The following HS3ST4 variants were observed in gnomAD, a reference collection of about 807,000 sequenced individuals.
HS3ST4 encodes the protein heparan sulfate-glucosamine 3-sulfotransferase 4, also known as heparan sulfate glucosamine 3-O-sulfotransferase 4.
In HS3ST4, 17 loss-of-function variants were observed where a neutral mutation model predicts 29.2. The observed-to-expected ratio is 0.58, with a 90% CI of 0.40 to 0.87. The LOEUF (loss-of-function observed/expected upper bound fraction) is 0.87. Ranked by LOEUF, HS3ST4 falls within the 40% of genes least tolerant of loss-of-function variation. The probability of loss-of-function intolerance (pLI) is 0.00; values close to 1 mark genes in which losing one functional copy is unlikely to be tolerated. For synonymous variants in HS3ST4, 314 were observed against 285.7 expected (o/e 1.10, Z -1.00); for missense variants, 627 against 634.5 (o/e 0.99, Z 0.13).
chr16:25,724,653 C>T (rs976310475), intron 1 of HS3ST4, among the ~76,000 whole-genome samples: 1 of 152,124 alleles, frequency 6.6e-6, no homozygotes, highest in African/African-American at 2.4e-5. Context: ...TGAGCCACTG[C>T]GCTCGGCCCC....
At chr16:26,002,034 T>A (rs1476408636) in intron 1 of HS3ST4, among the ~76,000 whole-genome samples, 1 of 152,156 alleles carries the variant, frequency 6.6e-6, no homozygotes, top group Non-Finnish European at 1.5e-5. Flanking sequence ...GAGTGGATGA[T>A]AATGCCTTCT....
intron 1 of HS3ST4, among the ~76,000 whole-genome samples, chr16:25,847,723 A>G (rs1190441953): frequency 6.6e-6 from 1 of 152,186 alleles, no homozygotes; most frequent in African/African-American, 2.4e-5. Flanking sequence ...AAGATTTTAA[A>G]CATTTATTAA....
chr16:26,058,255 T>C (rs1379436492), intron 1 of HS3ST4, among the ~76,000 whole-genome samples: 1 of 152,230 alleles, frequency 6.6e-6, no homozygotes, highest in Non-Finnish European at 1.5e-5. Context: ...CTGCCTGTTA[T>C]TTGTGCAGTA....
At chr16:26,090,966 A>G (rs1898849872) in intron 1 of HS3ST4, among the ~76,000 whole-genome samples, 1 of 152,204 alleles carries the variant, frequency 6.6e-6, no homozygotes, top group African/African-American at 2.4e-5. Flanking sequence ...ACATGAGGCT[A>G]ACCTGGTGTA....
At chr16:25,730,210 T>C (rs149658629) in intron 1 of HS3ST4, among the ~76,000 whole-genome samples, 2 of 152,288 alleles carry the variant, frequency 1.3e-5, no homozygotes, top group African/African-American at 2.4e-5. Context: ...ATTTTTGGTG[T>C]TTTTCAAGGC....
At chr16:25,813,868 G>A (rs1967066549) in intron 1 of HS3ST4, among the ~76,000 whole-genome samples, 1 of 152,154 alleles carries the variant, frequency 6.6e-6, no homozygotes, top group African/African-American at 2.4e-5. Flanking sequence ...AATAAATTGT[G>A]GTGAGATAGG....
rs1038995730 is a variant in HS3ST4, at chr16:25,756,156, A to G, written c.734+63005A>G. ...CACACACACACACACACACACACGC[A>G]CACACACACACACACACACACCCTG... On this transcript the variant is annotated intron_variant, in intron 1 of 1. Coordinates refer to ENST00000331351, the MANE Select transcript of HS3ST4 (RefSeq NM_006040.3). Among the ~76,000 whole-genome samples, 161 of 75,588 alleles carry G rather than the reference A, an allele frequency of 2.1e-3. No homozygotes were observed. In the East Asian group the frequency reaches 0.024, roughly 11 times the overall value. The allele number at this position is 75,588 out of a possible 152,430, so 49.6% of individuals were successfully genotyped here.
intron 1 of HS3ST4, among the ~76,000 whole-genome samples, chr16:25,962,901 G>A (rs1483084798): frequency 5.3e-5 from 8 of 152,074 alleles, no homozygotes; most frequent in African/African-American, 1.9e-4. Context: ...TTAGAACAGT[G>A]TCCAGCACCT....
Position 25,781,823 on chromosome 16 carries a change from T to G in HS3ST4, c.734+88672T>G, listed in dbSNP as rs568743379. ...ATGATGCACAGTTATCCTTCTTCTC[T>G]TTCGGGTGGTTGTGTGGGGCTGAAA... On this transcript the variant is annotated intron_variant, in intron 1 of 1. Transcript: ENST00000331351. 2.0e-5 allele frequency among the ~76,000 whole-genome samples: 3 copies of G among 152,296 alleles called. No homozygotes were observed. In the South Asian group the frequency reaches 6.2e-4, roughly 32 times the overall value.
At chr16:25,828,427 G>A (rs1358200322) in intron 1 of HS3ST4, among the ~76,000 whole-genome samples, 6 of 148,038 alleles carry the variant, frequency 4.1e-5, no homozygotes, top group South Asian at 4.4e-4. Context: ...TGCAACCTCC[G>A]CCTCCTGGGT....
rs1463324472 is a variant in HS3ST4 at position 25,760,941 on chromosome 16, A to G, written c.734+67790A>G. Among the ~76,000 whole-genome samples the G allele has an allele frequency of 2.6e-5, 4 of 152,208 alleles. No homozygotes were observed. In the East Asian group the frequency reaches 7.7e-4, roughly 29 times the overall value. On this transcript the variant is annotated intron_variant, in intron 1 of 1. Transcript: ENST00000331351. ...TGCTGAGGCAGAACCCAGGTAGAAC[A>G]ACTGCATAAGCCCCTGATAAAGGAC...
intron 1 of HS3ST4, among the ~76,000 whole-genome samples, chr16:25,910,446 A>T (rs1596611176): frequency 6.6e-6 from 1 of 152,106 alleles, no homozygotes; most frequent in Non-Finnish European, 1.5e-5. Context: ...TTTGAGACCA[A>T]CCTGGCCAAT....
At chr16:26,022,680 CT>C (rs34741128) in intron 1 of HS3ST4, among the ~76,000 whole-genome samples, 237 of 142,620 alleles carry the variant, frequency 1.7e-3, no homozygotes, top group Middle Eastern at 7.2e-3. Context: ...AATTTTCTTC[CT>C]TTTTTTTTTT....
chr16:25,751,000 G>GA (rs1353635499), intron 1 of HS3ST4, among the ~76,000 whole-genome samples: 2 of 152,292 alleles, frequency 1.3e-5, no homozygotes, highest in East Asian at 3.9e-4. Flanking sequence ...AATTTGCAGG[G>GA]AGTCCCCATT....
At chr16:25,834,051 G>C (rs115748334) in intron 1 of HS3ST4, among the ~76,000 whole-genome samples, 1 of 152,082 alleles carries the variant, frequency 6.6e-6, no homozygotes, top group Non-Finnish European at 1.5e-5. Context: ...TGGTTTTCGG[G>C]GTGCATGCGA....
At chr16:25,695,622 G>A (rs756783509) in intron 1 of HS3ST4, among the ~76,000 whole-genome samples, 4 of 152,150 alleles carry the variant, frequency 2.6e-5, no homozygotes, top group Admixed American at 6.5e-5. Context: ...GGTATCAGAT[G>A]GCACTGATCA....
intron 1 of HS3ST4, among the ~76,000 whole-genome samples, chr16:25,938,134 C>T (rs1364413619): frequency 6.6e-6 from 1 of 152,132 alleles, no homozygotes; most frequent in Non-Finnish European, 1.5e-5. Context: ...TGTATCCTCT[C>T]CCCAAAGTCA....
chr16:25,980,798 G>A (rs528739589), intron 1 of HS3ST4, among the ~76,000 whole-genome samples: 87 of 152,242 alleles, frequency 5.7e-4, no homozygotes, highest in Admixed American at 7.2e-4. Context: ...AGCACACCAC[G>A]CCACTCAGGG....
intron 1 of HS3ST4, among the ~76,000 whole-genome samples, chr16:25,818,760 C>G (rs1440108511): frequency 1.3e-5 from 2 of 152,128 alleles, no homozygotes; most frequent in African/African-American, 4.8e-5. Flanking sequence ...TATAAAAGCT[C>G]TTAACCTCAT....
Sources: gnomAD v4.1 joint callset for allele counts (sites outside exome capture counted in the v4.1 genomes callset) on GRCh38, gnomAD v4.1.1 for gene constraint, MANE v1.5 for transcripts, NCBI Gene and HGNC (gene_info 2026-07-23, HGNC 2026-07-21) for gene names.